RGPD1: variants seen among roughly 807,000 people sequenced by gnomAD.
RGPD1 encodes the protein RANBP2-like and GRIP domain-containing protein 1.
Under a neutral mutation model 40.6 loss-of-function variants are expected in RGPD1, and 7 were observed. The observed-to-expected ratio is 0.17, with a 90% CI of 0.10 to 0.32. The LOEUF (loss-of-function observed/expected upper bound fraction) is 0.32, where lower values mean the gene tolerates loss of function less well. RGPD1 is among the 10% of genes least tolerant of loss of function. The probability of loss-of-function intolerance (pLI) is 1.00; values close to 1 mark genes in which losing one functional copy is unlikely to be tolerated. For missense variants in RGPD1, 50 were observed against 472.5 expected (o/e 0.11, Z 8.29); for synonymous variants, 24 against 167.0 (o/e 0.14, Z 6.60).
chr2:86,928,690 A>G (rs1361358463), intron 1 of RGPD1, among the ~76,000 whole-genome samples: 1 of 152,226 alleles, frequency 6.6e-6, no homozygotes, highest in African/African-American at 2.4e-5. Context: ...ACGTCTAGAA[A>G]TCAGATGAGG....
rs1677585348 is a variant in RGPD1, at chr2:86,914,021, CGG to C, written c.72+101_72+102del. ...CGGCCTCGGCCTCGGCCTGGCCGGG[CGG>C]CGGCGGCGGCGGCGGCGGCGGCGGC... On this transcript the variant is annotated intron_variant, in intron 1 of 22. Transcript: ENST00000398193. 18 of 5,712 alleles carry C rather than the reference CGG, an allele frequency of 3.2e-3. 2 individuals carry two copies. The highest frequency in any genetic ancestry group is 4.8e-3 in the African/African-American group (3 of 628). The allele number at this position is 5,712 out of a possible 1,614,324, so 0.4% of individuals were successfully genotyped here.
chr2:87,007,590 A>G (rs1321223547), intron 22 of RGPD1, among the ~76,000 whole-genome samples: 1 of 151,396 alleles, frequency 6.6e-6, no homozygotes, highest in African/African-American at 2.4e-5. Context: ...TGTTGGCAAA[A>G]CTGGTCTCAA....
intron 1 of RGPD1, among the ~76,000 whole-genome samples, chr2:86,929,858 A>G (rs543887032): frequency 5.5e-4 from 79 of 144,186 alleles, no homozygotes; most frequent in African/African-American, 1.9e-3. Flanking sequence ...GGGAGGGGCC[A>G]AAAGGAACGC....
intron 1 of RGPD1, among the ~76,000 whole-genome samples, chr2:86,929,342 C>T (rs1327806672): frequency 6.6e-6 from 1 of 151,678 alleles, no homozygotes; most frequent in Non-Finnish European, 1.5e-5. Context: ...CCGGAGAACT[C>T]TGTTCTCTTG....
At chr2:86,944,678 G>C (rs1441547447) in intron 1 of RGPD1, among the ~76,000 whole-genome samples, 1 of 152,096 alleles carries the variant, frequency 6.6e-6, no homozygotes, top group Non-Finnish European at 1.5e-5. Flanking sequence ...TTCCCAAAGT[G>C]TTGGGATTAT....
At chr2:86,937,005 AT>A in intron 1 of RGPD1, among the ~76,000 whole-genome samples, 1 of 113,948 alleles carries the variant, frequency 8.8e-6, no homozygotes, top group East Asian at 2.4e-4. Context: ...CCCCTCCCCT[AT>A]TTTCACCATC....
At chr2:86,944,908 G>A (rs1401995510) in intron 1 of RGPD1, among the ~76,000 whole-genome samples, 11 of 149,588 alleles carry the variant, frequency 7.4e-5, no homozygotes, top group Admixed American at 3.3e-4. Flanking sequence ...ATGTAGAGAC[G>A]GGGTCTTACC....
At position 86,915,319 on chromosome 2, in the gene RGPD1, A is replaced by G. The variant is rs991890302; in HGVS notation, c.72+1398A>G. ...TTAGGGTTAGGCAAGACATTGGCAGATTGTAGACAAGAATAACTTTTTCAT... is the reference window on the plus strand; with the variant it reads ...TTAGGGTTAGGCAAGACATTGGCAGGTTGTAGACAAGAATAACTTTTTCAT... On this transcript the variant is annotated intron_variant, in intron 1 of 22. Transcript: ENST00000398193. Among the ~76,000 whole-genome samples, 7 of 150,746 alleles carry G rather than the reference A, an allele frequency of 4.6e-5. 1 individual carries two copies. The highest frequency in any genetic ancestry group is 9.8e-5 in the African/African-American group (4 of 41,010).
intron 1 of RGPD1, among the ~76,000 whole-genome samples, chr2:86,914,086 GGC>G (rs1677600209): frequency 2.3e-5 from 1 of 44,014 alleles, no homozygotes; most frequent in African/African-American, 8.2e-5. Flanking sequence ...CTGGCCGGGC[GGC>G]GGCGGCGGCG....
chr2:87,013,675 A>AAAG lies in RGPD1; in HGVS notation c.*1129_*1131dup, dbSNP rs1323751807. The stretch of plus-strand genomic sequence containing the variant: ...GGTCTACTGTAAATGGTTTGCAGTA[A>AAAG]AAGTTCTCAACCAGCTTCCACTCAA... On this transcript the variant is annotated 3_prime_UTR_variant, in exon 23 of 23. Coordinates refer to ENST00000641458, the MANE Select transcript of RGPD1 (RefSeq NM_001382344.1). 32 of 15,860 alleles carry AAAG rather than the reference A, an allele frequency of 2.0e-3. No homozygotes were observed. Among genetic ancestry groups the AAAG allele is most frequent in the African/African-American group, 0.011 (29 of 2,702 alleles). 1.0% of individuals were successfully genotyped at this position (15,860 alleles called of 1,614,324 possible).
At position 86,913,929 on chromosome 2, in the gene RGPD1, G is replaced by A. The variant is rs773552340; in HGVS notation, c.72+8G>A. The A allele has an allele frequency of 2.9e-5, 42 of 1,469,880 alleles. 1 individual carries two copies. Among genetic ancestry groups the A allele is most frequent in the Non-Finnish European group, 3.6e-5 (40 of 1,110,332 alleles). 91.1% of individuals were successfully genotyped at this position (1,469,880 alleles called of 1,614,324 possible). On this transcript the variant is annotated splice_region_variant and intron_variant, in intron 1 of 22. Transcript: ENST00000398193. ...GCCCCGTCGCCTGGAAAGGTGAGTGGATCTCGAAGAGACCGACGGCCTCGA... is the reference window on the plus strand; with the variant it reads ...GCCCCGTCGCCTGGAAAGGTGAGTGAATCTCGAAGAGACCGACGGCCTCGA...
exon 1 of RGPD1, chr2:86,913,854 G>A: frequency 6.3e-7 from 1 of 1,578,780 alleles, no homozygotes; most frequent in Non-Finnish European, 8.6e-7. Context: ...GGTGCGATGA[G>A]GCGCAGCAAG....
intron 1 of RGPD1, among the ~76,000 whole-genome samples, chr2:86,936,150 C>T (rs1456353648): frequency 3.0e-5 from 4 of 133,436 alleles, no homozygotes; most frequent in East Asian, 4.6e-4. Context: ...GGACTACAGG[C>T]GCATGCCACC....
chr2:86,977,802 C>G, intron 16 of RGPD1, 43 bp downstream of exon 16: 1 of 281,204 alleles, frequency 3.6e-6, no homozygotes, highest in Non-Finnish European at 6.3e-6. Flanking sequence ...GAAATTGTTT[C>G]TAAGTGTTTT....
At chr2:86,931,971 A>T (rs1449290670) in intron 1 of RGPD1, among the ~76,000 whole-genome samples, 1 of 148,504 alleles carries the variant, frequency 6.7e-6, no homozygotes, top group Non-Finnish European at 1.5e-5. Context: ...ATATATATTT[A>T]TATATAATAT....
intron 1 of RGPD1, among the ~76,000 whole-genome samples, chr2:86,924,275 C>T (rs1385883230): frequency 6.6e-6 from 1 of 151,948 alleles, no homozygotes; most frequent in Admixed American, 6.6e-5. Flanking sequence ...CATGCCTCAG[C>T]CTCCCCAGTA....
upstream of RGPD1, among the ~76,000 whole-genome samples, chr2:86,940,926 T>G (rs1305616308): frequency 6.6e-6 from 1 of 152,266 alleles, no homozygotes; most frequent in African/African-American, 2.4e-5. Flanking sequence ...CCACACACAC[T>G]GGTAAGCTCA....
intron 1 of RGPD1, among the ~76,000 whole-genome samples, chr2:86,915,287 G>C (rs769667541): frequency 6.6e-6 from 1 of 150,920 alleles, no homozygotes; most frequent in East Asian, 2.0e-4. Context: ...TAGAGTTAGG[G>C]TTAGGGTTAG....
At chr2:86,939,110 T>C (rs912714312), upstream of RGPD1, among the ~76,000 whole-genome samples, 6 of 111,764 alleles carry the variant, frequency 5.4e-5, no homozygotes, top group African/African-American at 2.2e-4. Context: ...TAGGAATATA[T>C]GACATTGGAC....
Sources: allele counts gnomAD v4.1 joint callset (sites outside exome capture counted in the v4.1 genomes callset), GRCh38; gene constraint gnomAD v4.1.1; transcripts MANE v1.5; gene names NCBI Gene and HGNC (gene_info 2026-07-23, HGNC 2026-07-21).